Variants in WDR75 observed in about 807,000 individuals in gnomAD.
WDR75 encodes the protein WD repeat-containing protein 75.
Under a neutral mutation model 106.1 loss-of-function variants are expected in WDR75, and 52 were observed. That is an observed-to-expected ratio of 0.49 (90% CI 0.39 to 0.62). WDR75 has a LOEUF of 0.62. Ranked by LOEUF, WDR75 falls within the 20% of genes least tolerant of loss-of-function variation. The pLI is 0.00. For missense variants in WDR75, 905 were observed against 970.3 expected (o/e 0.93, Z 0.89); for synonymous variants, 333 against 335.5 (o/e 0.99, Z 0.08).
chr2:189,464,896 T>C (rs1284653820), intron 11 of WDR75, among the ~76,000 whole-genome samples, 183 bp from the exon 12 acceptor site: 1 of 152,150 alleles, frequency 6.6e-6, no homozygotes, highest in Non-Finnish European at 1.5e-5. Flanking sequence ...GTGTTCCCTT[T>C]TTTAATGGCA....
intron 16 of WDR75, 142 bp downstream of exon 16, chr2:189,469,581 C>T: frequency 3.1e-6 from 2 of 650,892 alleles, no homozygotes; most frequent in Non-Finnish European, 5.4e-6. Flanking sequence ...TTTGCCCCAA[C>T]ACTTTGTCAT....
At chr2:189,472,876 A>G (rs1382842414) in intron 18 of WDR75, among the ~76,000 whole-genome samples, 1 of 152,130 alleles carries the variant, frequency 6.6e-6, no homozygotes, top group Non-Finnish European at 1.5e-5. Context: ...TGTATTATAT[A>G]CTGTATTCTT....
intron 2 of WDR75, chr2:189,448,785 A>G (rs570265617): frequency 7.4e-6 from 4 of 539,526 alleles, no homozygotes; most frequent in Admixed American, 2.2e-5. Context: ...GTATTTGTTG[A>G]TTGTAATCTT....
intron 2 of WDR75, 188 bp from the exon 3 acceptor site, chr2:189,450,715 T>G: frequency 7.2e-7 from 1 of 1,397,276 alleles, no homozygotes; most frequent in Non-Finnish European, 9.2e-7. Context: ...AATGGATGGA[T>G]CTGCTTCTTG....
intron 1 of WDR75, among the ~76,000 whole-genome samples, chr2:189,444,822 T>C (rs1240895798): frequency 6.6e-6 from 1 of 152,178 alleles, no homozygotes; most frequent in Non-Finnish European, 1.5e-5. Context: ...ATAGACACTT[T>C]GCTTGTCAGA....
intron 8 of WDR75, 44 bp from the exon 9 acceptor site, chr2:189,462,440 T>G: frequency 6.3e-7 from 1 of 1,585,652 alleles, no homozygotes; most frequent in Non-Finnish European, 8.6e-7. Context: ...TTCTCTTTTT[T>G]CCTCAAAACA....
intron 9 of WDR75, among the ~76,000 whole-genome samples, chr2:189,462,982 T>C (rs1449461132): frequency 1.3e-5 from 2 of 152,192 alleles, no homozygotes; most frequent in Non-Finnish European, 2.9e-5. Flanking sequence ...ACCTTCCGTT[T>C]TCAAAAGAAT....
chr2:189,467,745 C>A, intron 14 of WDR75, 97 bp downstream of exon 14: 1 of 1,183,752 alleles, frequency 8.4e-7, no homozygotes. Flanking sequence ...CCAAAAGTAG[C>A]CTGAAGGTCA....
intron 19 of WDR75, among the ~76,000 whole-genome samples, 167 bp downstream of exon 19, chr2:189,474,499 T>C (rs999256262): frequency 6.6e-6 from 1 of 152,204 alleles, no homozygotes; most frequent in Middle Eastern, 3.2e-3. Flanking sequence ...TGGGATTGTT[T>C]TGTCCTGGAC....
At chr2:189,444,153 G>A (rs1012114571) in intron 1 of WDR75, among the ~76,000 whole-genome samples, 3 of 152,024 alleles carry the variant, frequency 2.0e-5, no homozygotes, top group African/African-American at 7.2e-5. Context: ...TCTAACAAAT[G>A]ACAGGATTTT....
At chr2:189,449,289 G>T in intron 2 of WDR75, 1 of 1,303,398 alleles carries the variant, frequency 7.7e-7, no homozygotes, top group Non-Finnish European at 1.0e-6. Context: ...GATTTGCATT[G>T]CCATTCACTT....
At position 189,462,526 on chromosome 2, in the gene WDR75, A is replaced by C; in HGVS notation, c.821A>C (p.Glu274Ala). 1 of 1,614,082 alleles carries C rather than the reference A, an allele frequency of 6.2e-7. No homozygotes were observed. Among genetic ancestry groups the C allele is most frequent in the Non-Finnish European group, 8.5e-7 (1 of 1,179,990 alleles). Residue 274 changes from glutamate (E) to alanine (A), a missense_variant, in exon 9 of 21, where the codon GAG becomes GCG. Transcript: ENST00000314761. ...LSGGRESVLV[E>A]WRDATEKNKE... ...GGCGGTCGTGAATCTGTACTTGTAGAGTGGCGCGATGCAACAGAGAAGAAT... is the reference window on the plus strand; with the variant it reads ...GGCGGTCGTGAATCTGTACTTGTAGCGTGGCGCGATGCAACAGAGAAGAAT...
chr2:189,466,281 A>G, intron 12 of WDR75, 144 bp from the exon 13 acceptor site: 3 of 863,444 alleles, frequency 3.5e-6, no homozygotes, highest in Non-Finnish European at 5.6e-6. Context: ...TTAGAGGTAG[A>G]GCACTCAATT....
intron 6 of WDR75, among the ~76,000 whole-genome samples, chr2:189,457,904 C>T (rs1001524740): frequency 6.8e-6 from 1 of 146,676 alleles, no homozygotes; most frequent in Non-Finnish European, 1.5e-5. Context: ...TACCTCTTCC[C>T]TTTTACCCTG....
At chr2:189,471,028 G>T in intron 18 of WDR75, 150 bp downstream of exon 18, 2 of 387,050 alleles carry the variant, frequency 5.2e-6, no homozygotes, top group Non-Finnish European at 9.1e-6. Flanking sequence ...TCTCTTGAAA[G>T]TTTTAGTGCT....
Position 189,455,345 on chromosome 2 carries a change from A to G in WDR75, c.399A>G (p.Lys133=). Residue 133 remains lysine (K), a synonymous_variant, in exon 5 of 21, where the codon AAA becomes AAG. Coordinates refer to ENST00000314761, the MANE Select transcript of WDR75 (RefSeq NM_032168.3). The part of the protein sequence containing the change: ...KPDIFQLVSV[K]LPKSSSQEVE... ...ATATATTTCAGCTGGTTTCAGTGAA[A>G]CTGCCAAAATCCTCAAGCCAGGAAG... 1 of 1,614,110 alleles carries G rather than the reference A, an allele frequency of 6.2e-7. No homozygotes were observed. The highest frequency in any genetic ancestry group is 8.5e-7 in the Non-Finnish European group (1 of 1,179,988).
intron 4 of WDR75, among the ~76,000 whole-genome samples, chr2:189,452,807 C>T (rs1686655572): frequency 6.6e-6 from 1 of 152,158 alleles, no homozygotes; most frequent in Non-Finnish European, 1.5e-5. Flanking sequence ...CCACTGTATG[C>T]TATGGTGTCC....
chr2:189,443,763 T>G (rs989577903), intron 1 of WDR75, among the ~76,000 whole-genome samples: 1 of 151,964 alleles, frequency 6.6e-6, no homozygotes, highest in East Asian at 1.9e-4. Flanking sequence ...CCTTGAAAAC[T>G]GGGGGGATTG....
At chr2:189,466,898 T>C (rs577424939) in intron 13 of WDR75, among the ~76,000 whole-genome samples, 2 of 152,314 alleles carry the variant, frequency 1.3e-5, no homozygotes, top group East Asian at 3.9e-4. Flanking sequence ...AGGGCATAAA[T>C]TTCAGAACAG....
Sources: allele counts gnomAD v4.1 joint callset (sites outside exome capture counted in the v4.1 genomes callset), GRCh38; gene constraint gnomAD v4.1.1; transcripts MANE v1.5; gene names NCBI Gene and HGNC (gene_info 2026-07-23, HGNC 2026-07-21).